The following LRRTM2 variants were observed in gnomAD, a reference collection of about 807,000 sequenced individuals.
The protein encoded by LRRTM2 is leucine rich repeat transmembrane neuronal 2.
In LRRTM2, 14 loss-of-function variants were observed where a neutral mutation model predicts 40.7. The observed-to-expected ratio is 0.34, with a 90% CI of 0.23 to 0.54. The LOEUF is 0.54. Ranked by LOEUF, LRRTM2 falls within the 20% of genes least tolerant of loss-of-function variation. LRRTM2 has a pLI of 0.92. For missense variants in LRRTM2, 468 were observed against 624.4 expected, an observed-to-expected ratio of 0.75 and a Z score of 2.67; for synonymous variants, 223 against 237.6, an observed-to-expected ratio of 0.94 and a Z score of 0.57.
In LRRTM2 at chr5:138,873,637, G is replaced by A; in HGVS notation, c.924C>T (p.Leu308=). Residue 308 remains leucine (L), a synonymous_variant, in exon 2 of 2, where the codon CTC becomes CTT. Transcript: ENST00000274711. This position sits in a 1 kb window ranked among gnomAD's most constrained non-coding sequence, Gnocchi z 6.1. ...NSLRSLTTVG[L]SGNLWECSAR... Reference sequence around the variant, plus strand: ...CGCTGCATTCCCACAGATTGCCAGAGAGACCAACGGTTGTGAGGGATCTCA... The same window carrying A: ...CGCTGCATTCCCACAGATTGCCAGAAAGACCAACGGTTGTGAGGGATCTCA... 6.2e-7 allele frequency: 1 copy of A among 1,614,064 alleles called. No homozygotes were observed. Among genetic ancestry groups the A allele is most frequent in the South Asian group, 1.1e-5 (1 of 91,088 alleles).
In LRRTM2 at chr5:138,873,879, G is replaced by A. The variant is rs1185848408; in HGVS notation, c.682C>T (p.Leu228=). 1 of 1,614,030 alleles carries A rather than the reference G, an allele frequency of 6.2e-7. No individual in the cohort carries two copies. Residue 228 remains leucine (L), a synonymous_variant, in exon 2 of 2, where the codon CTA becomes TTA. Coordinates refer to ENST00000274711, the MANE Select transcript of LRRTM2 (RefSeq NM_015564.3). This position sits in a 1 kb window ranked among gnomAD's most constrained non-coding sequence, Gnocchi z 6.1. ...AAGAAGAGCGTGTGCAGACTGCTTAGCCGTAGGAAATGAGCAAAATTAATC... is the reference window on the plus strand; with the variant it reads ...AAGAAGAGCGTGTGCAGACTGCTTAACCGTAGGAAATGAGCAAAATTAATC... ...TKINFAHFLR[L]SSLHTLFLQW...
Position 138,874,940 on chromosome 5 carries a change from A to G in LRRTM2, c.-29T>C. 1 of 1,613,510 alleles carries G rather than the reference A, an allele frequency of 6.2e-7. No homozygotes were observed. Among genetic ancestry groups the G allele is most frequent in the Non-Finnish European group, 8.5e-7 (1 of 1,179,684 alleles). On this transcript the variant is annotated 5_prime_UTR_variant, in exon 1 of 2. Transcript: ENST00000274711. This position sits in a 1 kb window ranked among gnomAD's most constrained non-coding sequence, Gnocchi z 4.1. Reference sequence around the variant, plus strand: ...TCTGAGCACATTGGAGGCTGCATTCAGTCGCGGTTGTTAGACTCAACGCAG... The same window carrying G: ...TCTGAGCACATTGGAGGCTGCATTCGGTCGCGGTTGTTAGACTCAACGCAG...
rs1032081577 is a variant in LRRTM2 at position 138,872,045 on chromosome 5, TGTGTGTGTGTGTGTGTGTGTGTGC to T, written c.*941_*964del. On this transcript the variant is annotated 3_prime_UTR_variant, in exon 2 of 2. Transcript: ENST00000274711. The stretch of plus-strand genomic sequence containing the variant: ...GCGCGAGAGTGTGTGTGTGTGTGTG[TGTGTGTGTGTGTGTGTGTGTGTGC>T]GCTTTTAAATTGGAGGGAGCATGTC... 2 of 135,282 alleles carry T rather than the reference TGTGTGTGTGTGTGTGTGTGTGTGC, an allele frequency of 1.5e-5. No individual in the cohort carries two copies. The highest frequency in any genetic ancestry group is 3.2e-5 in the Non-Finnish European group (2 of 62,028). 8.4% of individuals were successfully genotyped at this position (135,282 alleles called of 1,614,324 possible).
chr5:138,872,794 A>G lies in LRRTM2; in HGVS notation c.*216T>C, dbSNP rs1003654921. The G allele has an allele frequency of 7.9e-5, 35 of 443,258 alleles. No homozygotes were observed. Among genetic ancestry groups the G allele is most frequent in the Non-Finnish European group, 1.6e-5 (4 of 252,440 alleles). The allele number at this position is 443,258 out of a possible 1,614,324, so 27.5% of individuals were successfully genotyped here. On this transcript the variant is annotated 3_prime_UTR_variant, in exon 2 of 2. Transcript: ENST00000274711. ...AAGTAAGCATTTTAGACTTTCCAAC[A>G]GGAGTGCAAATTAATGTGAGCATTG...
Position 138,875,106 on chromosome 5 carries a change from A to T in LRRTM2, c.-195T>A, listed in dbSNP as rs1448566021. 3.7e-6 allele frequency: 2 copies of T among 537,582 alleles called. No homozygotes were observed. Among genetic ancestry groups the T allele is most frequent in the Admixed American group, 7.2e-5 (2 of 27,958 alleles). 33.3% of individuals were successfully genotyped at this position (537,582 alleles called of 1,614,324 possible). On this transcript the variant is annotated 5_prime_UTR_variant, in exon 1 of 2. An upstream start codon of the reference 5' UTR is lost. Coordinates refer to ENST00000274711, the MANE Select transcript of LRRTM2 (RefSeq NM_015564.3). ...TATCCCTCTGGAAAGCATTGGTTTC[A>T]TTTTCTGTGATTGCTCTGATCCCTA...
chr5:138,874,672 A>G lies in LRRTM2; in HGVS notation c.5-116T>C. 1 of 770,784 alleles carries G rather than the reference A, an allele frequency of 1.3e-6. No individual in the cohort carries two copies. Among genetic ancestry groups the G allele is most frequent in the Non-Finnish European group, 2.0e-6 (1 of 491,934 alleles). 47.7% of individuals were successfully genotyped at this position (770,784 alleles called of 1,614,324 possible). A position where few individuals can be genotyped will look rare whatever the true frequency, so the allele number is the denominator to read the frequency against. The stretch of plus-strand genomic sequence containing the variant: ...TATAGCAAAAGATTTCACTGCATAT[A>G]ACTTATTTTTCATTTACTGCAGAAA... On this transcript the variant is annotated intron_variant, in intron 1 of 1. Transcript: ENST00000274711. This position sits in a 1 kb window ranked among gnomAD's most constrained non-coding sequence, Gnocchi z 4.1.
At position 138,874,877 on chromosome 5, in the gene LRRTM2, A is replaced by G; in HGVS notation, c.4+31T>C. On this transcript the variant is annotated intron_variant, in intron 1 of 1. Transcript: ENST00000274711. This position sits in a 1 kb window ranked among gnomAD's most constrained non-coding sequence, Gnocchi z 4.1. ...TTTTAAAAGCGTGATTCCTTGTTGA[A>G]TGTACAAGACATATAAATGCACAGA... The G allele has an allele frequency of 1.3e-6, 2 of 1,591,182 alleles. No homozygotes were observed. Among genetic ancestry groups the G allele is most frequent in the African/African-American group, 1.3e-5 (1 of 74,180 alleles).
Position 138,874,187 on chromosome 5 carries a change from G to A in LRRTM2, c.374C>T (p.Pro125Leu). 2 of 1,613,928 alleles carry A rather than the reference G, an allele frequency of 1.2e-6. No individual in the cohort carries two copies. The highest frequency in any genetic ancestry group is 1.7e-6 in the Non-Finnish European group (2 of 1,179,862). ...AATCAGTTGGGTAAAAGTTGTGTTT[G>A]GCAAGTAAAATATTTTGTTGGAACT... is the stretch of plus-strand genomic sequence containing the variant. ...ILSSNKIFYL[P>L]NTTFTQLINL... is the part of the protein sequence containing the mutation. The change falls in exon 2 of 2, where the codon CCA (proline) becomes CTA (leucine). Residue 125 changes from proline (P) to leucine (L), a missense_variant. By Grantham distance (98) the Pro-to-Leu change is moderately conservative (BLOSUM62 -3). Transcript: ENST00000274711. The surrounding 1 kb of genome is among the most constrained non-coding windows in gnomAD (Gnocchi z 4.1).
At position 138,873,689 on chromosome 5, in the gene LRRTM2, C is replaced by T. The variant is rs1165795026; in HGVS notation, c.872G>A (p.Ser291Asn). ...GGAGTTTAAGATCTTGGAATCAAGG[C>T]TGTTTAACTTGTTGTTATCCATGAG... is the stretch of plus-strand genomic sequence containing the variant. ...ILLMDNNKLN[S>N]LDSKILNSLR... The change falls in exon 2 of 2, where the codon AGC (serine) becomes AAC (asparagine). Residue 291 changes from serine to asparagine, a missense_variant. Physicochemically the swap from Ser to Asn is conservative, Grantham distance 46. Transcript: ENST00000274711. This position sits in a 1 kb window ranked among gnomAD's most constrained non-coding sequence, Gnocchi z 6.1. The T allele has an allele frequency of 6.2e-7, 1 of 1,614,018 alleles. No homozygotes were observed. The highest frequency in any genetic ancestry group is 1.7e-5 in the Admixed American group (1 of 60,020).
Position 138,873,204 on chromosome 5 carries a change from T to G in LRRTM2, c.1357A>C (p.Arg453=). The change falls in exon 2 of 2, where the codon AGA becomes CGA. Residue 453 remains arginine (R), a synonymous_variant. Transcript: ENST00000274711. The surrounding 1 kb of genome is among the most constrained non-coding windows in gnomAD (Gnocchi z 6.1). ...ACCATTGAGCACTGCCTAATTCTTC[T>G]TAAAGTGGGAGGGCAGCACTTCCTG... ...ISRKCCPPTL[R]RIRQCSMVQN... is the part of the protein sequence containing the mutation. 4 of 1,613,972 alleles carry G rather than the reference T, an allele frequency of 2.5e-6. No homozygotes were observed. The highest frequency in any genetic ancestry group is 3.4e-6 in the Non-Finnish European group (4 of 1,179,880).
Position 138,873,675 on chromosome 5 carries a change from T to C in LRRTM2, c.886A>G (p.Ile296Val), listed in dbSNP as rs762694769. ...GTGAGGGATCTCAGGGAGTTTAAGA[T>C]CTTGGAATCAAGGCTGTTTAACTTG... ...NNKLNSLDSK[I>V]LNSLRSLTTV... The change falls in exon 2 of 2, where the codon ATC (isoleucine) becomes GTC (valine). Residue 296 changes from isoleucine (I) to valine (V), a missense_variant. By Grantham distance (29) the Ile-to-Val change is conservative. Coordinates refer to ENST00000274711, the MANE Select transcript of LRRTM2 (RefSeq NM_015564.3). This position sits in a 1 kb window ranked among gnomAD's most constrained non-coding sequence, Gnocchi z 6.1. 3.7e-6 allele frequency: 6 copies of C among 1,614,040 alleles called. No homozygotes were observed. In the East Asian group the frequency reaches 1.1e-4, roughly 30 times the overall value.
rs149877566 is a variant in LRRTM2 at position 138,873,439 on chromosome 5, A to G, written c.1122T>C (p.Tyr374=). 3.6e-4 allele frequency: 586 copies of G among 1,613,980 alleles called. 1 individual carries two copies. In the East Asian group the frequency reaches 1.0e-2, roughly 27 times the overall value. Residue 374 remains tyrosine, a synonymous_variant, in exon 2 of 2, where the codon TAT becomes TAC. Transcript: ENST00000274711. The surrounding 1 kb of genome is among the most constrained non-coding windows in gnomAD (Gnocchi z 6.1). ...TTGTATATTCAGTGGTTGGATCTCT[A>G]TAAGTTGTAGCCATGACAGTGACAG... is the stretch of plus-strand genomic sequence containing the variant. ...STTVTVMATT[Y]RDPTTEYTKR...
In LRRTM2 at chr5:138,869,252, A is replaced by G. The variant is rs1765109159; in HGVS notation, c.*3758T>C. 1 of 151,890 alleles carries G rather than the reference A, an allele frequency of 6.6e-6. No individual in the cohort carries two copies. The highest frequency in any genetic ancestry group is 1.5e-5 in the Non-Finnish European group (1 of 67,990). 9.4% of individuals were successfully genotyped at this position (151,890 alleles called of 1,614,324 possible). On this transcript the variant is annotated 3_prime_UTR_variant, in exon 2 of 2. Transcript: ENST00000274711. ...GAGGTTTCCAAATGTTTGCAATAGCAGAATGAAAGCTTAAACAGTAATTTT... is the reference window on the plus strand; with the variant it reads ...GAGGTTTCCAAATGTTTGCAATAGCGGAATGAAAGCTTAAACAGTAATTTT...
rs1380314184 is a variant in LRRTM2 at position 138,875,051 on chromosome 5, C to A, written c.-140G>T. The A allele has an allele frequency of 1.3e-6, 1 of 778,624 alleles. No individual in the cohort carries two copies. 48.2% of individuals were successfully genotyped at this position (778,624 alleles called of 1,614,324 possible). ...CCAGGCTTTCCAAGTAAAATTGAATCCACCAGGACGAGTTGTTTTTTCCTT... is the reference window on the plus strand; with the variant it reads ...CCAGGCTTTCCAAGTAAAATTGAATACACCAGGACGAGTTGTTTTTTCCTT... On this transcript the variant is annotated 5_prime_UTR_variant, in exon 1 of 2. Coordinates refer to ENST00000274711, the MANE Select transcript of LRRTM2 (RefSeq NM_015564.3).
chr5:138,873,554 G>A lies in LRRTM2; in HGVS notation c.1007C>T (p.Ser336Phe). 1 of 1,613,968 alleles carries A rather than the reference G, an allele frequency of 6.2e-7. No homozygotes were observed. The highest frequency in any genetic ancestry group is 8.5e-7 in the Non-Finnish European group (1 of 1,179,886). Residue 336 changes from serine to phenylalanine, a missense_variant, in exon 2 of 2, where the codon TCC becomes TTC. Coordinates refer to ENST00000274711, the MANE Select transcript of LRRTM2 (RefSeq NM_015564.3). This position sits in a 1 kb window ranked among gnomAD's most constrained non-coding sequence, Gnocchi z 6.1. ...GTGGTCAGGACTGTGGCATAGGATG[G>A]AGTGTTCCCACCGACCTTGGAAACT... ...LGSFQGRWEHSILCHSPDHTQ... is the reference protein window; with the variant it reads ...LGSFQGRWEHFILCHSPDHTQ...
chr5:138,874,383 C>T lies in LRRTM2; in HGVS notation c.178G>A (p.Asp60Asn), dbSNP rs1038619935. ...QGFHSVPNAT[D>N]KGSLGLSLRH... The stretch of plus-strand genomic sequence containing the variant: ...AGGGACAGGCCCAGAGAGCCCTTGT[C>T]TGTGGCGTTTGGCACTGAGTGGAAG... The change falls in exon 2 of 2, where the codon GAC (aspartate) becomes AAC (asparagine). Residue 60 changes from aspartate (D) to asparagine (N), a missense_variant. Asp to Asn is a conservative substitution (Grantham distance 23). Transcript: ENST00000274711. This position sits in a 1 kb window ranked among gnomAD's most constrained non-coding sequence, Gnocchi z 4.1. 6 of 1,613,884 alleles carry T rather than the reference C, an allele frequency of 3.7e-6. No individual in the cohort carries two copies. Among genetic ancestry groups the T allele is most frequent in the Non-Finnish European group, 5.1e-6 (6 of 1,179,900 alleles).
Position 138,874,763 on chromosome 5 carries a change from C to G in LRRTM2, c.4+145G>C. On this transcript the variant is annotated intron_variant, in intron 1 of 1. Coordinates refer to ENST00000274711, the MANE Select transcript of LRRTM2 (RefSeq NM_015564.3). This position sits in a 1 kb window ranked among gnomAD's most constrained non-coding sequence, Gnocchi z 4.1. ...TTTAAAAAGAAGATAAAACATGTCT[C>G]TGTCATCATCGATATATGCTTTTAC... The G allele has an allele frequency of 2.5e-6, 2 of 802,798 alleles. No individual in the cohort carries two copies. Among genetic ancestry groups the G allele is most frequent in the Non-Finnish European group, 4.0e-6 (2 of 501,698 alleles). The allele number at this position is 802,798 out of a possible 1,614,324, so 49.7% of individuals were successfully genotyped here. A position where few individuals can be genotyped will look rare whatever the true frequency, so the allele number is the denominator to read the frequency against.
chr5:138,869,059 C>G lies in LRRTM2; in HGVS notation c.*3951G>C, dbSNP rs1024826574. ...TCAACCCATCTGCCCACCTCCCACC[C>G]AAAAAGAAAAATGGCTCTTGAAGGT... On this transcript the variant is annotated 3_prime_UTR_variant, in exon 2 of 2. Transcript: ENST00000274711. 6.0e-5 allele frequency: 9 copies of G among 150,192 alleles called. No individual in the cohort carries two copies. The highest frequency in any genetic ancestry group is 2.2e-4 in the African/African-American group (9 of 40,754). 9.3% of individuals were successfully genotyped at this position (150,192 alleles called of 1,614,324 possible).
chr5:138,870,726 T>G lies in LRRTM2; in HGVS notation c.*2284A>C, dbSNP rs374954530. The G allele has an allele frequency of 6.6e-6, 1 of 152,366 alleles. No homozygotes were observed. The highest frequency in any genetic ancestry group is 1.5e-5 in the Non-Finnish European group (1 of 68,040). 9.4% of individuals were successfully genotyped at this position (152,366 alleles called of 1,614,324 possible). A position where few individuals can be genotyped will look rare whatever the true frequency, so the allele number is the denominator to read the frequency against. Reference sequence around the variant, plus strand: ...GTGTGCTCAGGACACAGTTGTGTTGTGACCAAGCTGTCTGTCACCTGACAA... The same window carrying G: ...GTGTGCTCAGGACACAGTTGTGTTGGGACCAAGCTGTCTGTCACCTGACAA... On this transcript the variant is annotated 3_prime_UTR_variant, in exon 2 of 2. Coordinates refer to ENST00000274711, the MANE Select transcript of LRRTM2 (RefSeq NM_015564.3).
Sources: allele counts gnomAD v4.1 joint callset, GRCh38; gene constraint gnomAD v4.1.1; non-coding constraint Gnocchi (gnomAD v3.1); transcripts MANE v1.5; gene names NCBI Gene and HGNC (gene_info 2026-07-23, HGNC 2026-07-21).